Variants in FSHR observed in about 807,000 individuals in gnomAD.
FSHR encodes follicle-stimulating hormone receptor.
In FSHR, 46 loss-of-function variants were observed where a neutral mutation model predicts 52.1. The observed-to-expected ratio is 0.88, with a 90% CI of 0.70 to 1.13. The LOEUF (loss-of-function observed/expected upper bound fraction) is 1.13. FSHR is among the 50% of genes most tolerant of loss of function. FSHR has a pLI of 0.00. For synonymous variants in FSHR, 399 were observed against 309.6 expected (o/e 1.29, Z -3.03); for missense variants, 964 against 834.6 (o/e 1.16, Z -1.91).
intron 8 of FSHR, 44 bp downstream of exon 8, chr2:48,982,868 C>T (rs1675314715): frequency 1.3e-6 from 2 of 1,522,194 alleles, no homozygotes; most frequent in African/African-American, 1.4e-5. Flanking sequence ...TTCTAACTTA[C>T]ACAAACTGAG....
rs1558392401 is a variant in FSHR, at chr2:49,017,579, A to G, written c.300-16T>C. 1 of 1,588,810 alleles carries G rather than the reference A, an allele frequency of 6.3e-7. No homozygotes were observed. ...TTCAATTCTACTGTAAAAGAAGAAA[A>G]AACATGCTAGTGATCTTGATGGTAA... On this transcript the variant is annotated splice_polypyrimidine_tract_variant and intron_variant, in intron 3 of 9. Transcript: ENST00000406846.
chr2:49,046,884 G>T (rs964166084), intron 2 of FSHR, among the ~76,000 whole-genome samples: 1 of 152,174 alleles, frequency 6.6e-6, no homozygotes, highest in African/African-American at 2.4e-5. Context: ...GCCCAAGGAA[G>T]CTCATTAGCT....
intron 1 of FSHR, among the ~76,000 whole-genome samples, chr2:49,123,192 C>CT (rs1381992640): frequency 1.3e-5 from 2 of 152,138 alleles, no homozygotes; most frequent in Non-Finnish European, 2.9e-5. Context: ...CTCAAAATAG[C>CT]TAAAAGTGAG....
At chr2:49,102,258 G>A (rs1171914732) in intron 1 of FSHR, among the ~76,000 whole-genome samples, 1 of 152,152 alleles carries the variant, frequency 6.6e-6, no homozygotes, top group Non-Finnish European at 1.5e-5. Context: ...CTGTGGCAAT[G>A]ATCTATAGTC....
chr2:49,145,399 G>C (rs750419555), intron 1 of FSHR, among the ~76,000 whole-genome samples: 34 of 152,052 alleles, frequency 2.2e-4, no homozygotes, highest in Non-Finnish European at 3.1e-4. Context: ...GGATTTGCTA[G>C]CTTTAAAGCA....
intron 1 of FSHR, among the ~76,000 whole-genome samples, chr2:49,095,570 TTG>T: frequency 6.6e-6 from 1 of 152,304 alleles, no homozygotes; most frequent in East Asian, 1.9e-4. Flanking sequence ...GATTAGTCAA[TTG>T]TTTCTTAAAT....
intron 1 of FSHR, among the ~76,000 whole-genome samples, chr2:49,072,638 G>A (rs1435020388): frequency 1.3e-5 from 2 of 152,174 alleles, no homozygotes; most frequent in Admixed American, 6.6e-5. Flanking sequence ...TAAACACTAA[G>A]GTAGACATTA....
chr2:48,977,032 C>T (rs573927572), intron 8 of FSHR, among the ~76,000 whole-genome samples: 2 of 152,084 alleles, frequency 1.3e-5, no homozygotes, highest in Admixed American at 6.6e-5. Context: ...AGCAAACCAC[C>T]ATGGCACGTG....
intron 2 of FSHR, among the ~76,000 whole-genome samples, chr2:49,020,989 T>A (rs1349139936): frequency 6.6e-6 from 1 of 152,140 alleles, no homozygotes; most frequent in Non-Finnish European, 1.5e-5. Context: ...TAATGCATGC[T>A]GGGCTTAATA....
chr2:48,962,850 T>A lies in FSHR; in HGVS notation c.1971A>T (p.Glu657Asp), dbSNP rs377657419. 1 of 1,614,032 alleles carries A rather than the reference T, an allele frequency of 6.2e-7. No homozygotes were observed. Among genetic ancestry groups the A allele is most frequent in the Non-Finnish European group, 8.5e-7 (1 of 1,180,024 alleles). ...GGGTGTTGTGGACAGTGGATGAAGTTTCTGTCCTATAAATTTGGGCTTGCA... is the reference window on the plus strand; with the variant it reads ...GGGTGTTGTGGACAGTGGATGAAGTATCTGTCCTATAAATTTGGGCTTGCA... ...YEMQAQIYRT[E>D]TSSTVHNTHP... The change falls in exon 10 of 10, where the codon GAA (glutamate) becomes GAT (aspartate). Residue 657 changes from glutamate to aspartate, a missense_variant. Transcript: ENST00000406846.
At chr2:48,975,723 T>C (rs1674958268) in intron 8 of FSHR, among the ~76,000 whole-genome samples, 1 of 152,220 alleles carries the variant, frequency 6.6e-6, no homozygotes, top group Non-Finnish European at 1.5e-5. Flanking sequence ...GTTGTATTCC[T>C]AGGTATTTTT....
chr2:49,013,753 A>G (rs971190777), intron 4 of FSHR, among the ~76,000 whole-genome samples: 14 of 151,830 alleles, frequency 9.2e-5, no homozygotes, highest in Admixed American at 5.9e-4. Flanking sequence ...GTAGAATTAT[A>G]TAACTGCAAT....
chr2:49,007,787 G>T (rs868000180), intron 4 of FSHR, among the ~76,000 whole-genome samples: 22 of 152,180 alleles, frequency 1.4e-4, no homozygotes, highest in African/African-American at 4.3e-4. Flanking sequence ...AACATTTATT[G>T]TGAATGGATA....
chr2:49,102,234 GAGA>G (rs1419252395), intron 1 of FSHR, among the ~76,000 whole-genome samples: 2 of 152,158 alleles, frequency 1.3e-5, no homozygotes, highest in Non-Finnish European at 2.9e-5. Context: ...TGGGCATGAG[GAGA>G]AGAAGTTGAG....
At chr2:49,050,615 A>G (rs1668822005) in intron 2 of FSHR, among the ~76,000 whole-genome samples, 2 of 152,176 alleles carry the variant, frequency 1.3e-5, no homozygotes, top group South Asian at 4.1e-4. Flanking sequence ...TTCACCACAT[A>G]AGGATACTCT....
chr2:49,027,838 A>G (rs1313415014), intron 2 of FSHR, among the ~76,000 whole-genome samples: 1 of 139,356 alleles, frequency 7.2e-6, no homozygotes, highest in Non-Finnish European at 1.5e-5. Context: ...TGACAGAGTG[A>G]GACTCTTTCT....
intron 4 of FSHR, among the ~76,000 whole-genome samples, chr2:49,002,671 A>C (rs1666942509): frequency 6.6e-6 from 1 of 151,812 alleles, no homozygotes; most frequent in Non-Finnish European, 1.5e-5. Context: ...TGATTCAACT[A>C]CCTCCCATGA....
intron 2 of FSHR, among the ~76,000 whole-genome samples, chr2:49,042,765 T>C (rs187510780): frequency 3.7e-4 from 56 of 152,266 alleles, no homozygotes; most frequent in Non-Finnish European, 6.8e-4. Context: ...AGGAGGAGGT[T>C]AGTGACAGAG....
At chr2:48,998,563 T>C (rs11125194) in intron 4 of FSHR, among the ~76,000 whole-genome samples, 5,572 of 152,100 alleles carry the variant, frequency 0.037, 333 homozygotes, top group African/African-American at 0.13. Context: ...GCCAGAACAT[T>C]TGACTGACGT....
Sources: allele counts gnomAD v4.1 joint callset (sites outside exome capture counted in the v4.1 genomes callset), GRCh38; gene constraint gnomAD v4.1.1; transcripts MANE v1.5; gene names NCBI Gene and HGNC (gene_info 2026-07-23, HGNC 2026-07-21).